Variants in CSMD1 observed in about 807,000 individuals in gnomAD.
CSMD1 encodes CUB and Sushi multiple domains 1.
In CSMD1, 213 loss-of-function variants were observed where a neutral mutation model predicts 417.5. The ratio of observed to expected loss-of-function variants is 0.51; its 90% CI spans 0.46 to 0.57. The LOEUF (loss-of-function observed/expected upper bound fraction) is 0.57, where lower values mean the gene tolerates loss of function less well. Among genes scored for constraint, CSMD1 ranks in the 20% least tolerant of loss-of-function variants. The probability of loss-of-function intolerance (pLI) is 0.00; values close to 1 mark genes in which losing one functional copy is unlikely to be tolerated. For missense variants in CSMD1, 6,923 were observed against 4,529.7 expected, an observed-to-expected ratio of 1.53 and a Z score of -15.17; for synonymous variants, 2,862 against 1,736.8, an observed-to-expected ratio of 1.65 and a Z score of -16.11.
At position 4,206,452 on chromosome 8, in the gene CSMD1, T is replaced by C. The variant is rs551878906; in HGVS notation, c.416-174353A>G. Reference sequence around the variant, plus strand: ...CATGCGGTGTTTGGTTTTCTGTCCTTGTGATAGTTTGCTCAGAATAATGGT... The same window carrying C: ...CATGCGGTGTTTGGTTTTCTGTCCTCGTGATAGTTTGCTCAGAATAATGGT... On this transcript the variant is annotated intron_variant, in intron 3 of 69. Transcript: ENST00000635120. Among the ~76,000 whole-genome samples the C allele has an allele frequency of 1.2e-4, 19 of 152,286 alleles. No homozygotes were observed. In the South Asian group the frequency reaches 1.7e-3, roughly 13 times the overall value.
chr8:3,352,623 T>A (rs967644302), intron 21 of CSMD1, among the ~76,000 whole-genome samples: 3 of 152,178 alleles, frequency 2.0e-5, no homozygotes, highest in Non-Finnish European at 4.4e-5. Context: ...GCAGATCACC[T>A]GAAGTCAGGA....
intron 3 of CSMD1, among the ~76,000 whole-genome samples, chr8:4,371,193 C>G (rs574313253): frequency 1.3e-5 from 2 of 152,116 alleles, no homozygotes; most frequent in Non-Finnish European, 2.9e-5. Flanking sequence ...GGGGTCAAGG[C>G]TCAGCTCCAC....
At chr8:4,415,225 C>T (rs1563149419) in intron 3 of CSMD1, among the ~76,000 whole-genome samples, 1 of 152,186 alleles carries the variant, frequency 6.6e-6, no homozygotes, top group Non-Finnish European at 1.5e-5. Flanking sequence ...CCGCTCCCCA[C>T]TGAACTCAGC....
chr8:3,655,778 A>G (rs778876380), intron 7 of CSMD1, among the ~76,000 whole-genome samples: 9 of 152,132 alleles, frequency 5.9e-5, no homozygotes, highest in African/African-American at 1.7e-4. Flanking sequence ...GGAGGCAGGA[A>G]AGGTAGAGTC....
intron 49 of CSMD1, among the ~76,000 whole-genome samples, chr8:3,073,460 G>C (rs1015839507): frequency 5.3e-5 from 8 of 152,180 alleles, no homozygotes; most frequent in African/African-American, 1.9e-4. Flanking sequence ...GATCAACACA[G>C]ATTCACTCTA....
chr8:4,133,567 C>T (rs986982832), intron 3 of CSMD1, among the ~76,000 whole-genome samples: 3 of 152,098 alleles, frequency 2.0e-5, no homozygotes, highest in African/African-American at 4.8e-5. Flanking sequence ...GTAGGAAAGC[C>T]GTGCATTAAC....
At chr8:3,214,432 T>C in intron 30 of CSMD1, 65 bp downstream of exon 30, 17 of 1,345,120 alleles carry the variant, frequency 1.3e-5, no homozygotes, top group Non-Finnish European at 1.7e-5. Context: ...AAACCATTTC[T>C]TCAATGAGAT....
chr8:3,505,922 C>T (rs6983016), intron 10 of CSMD1, among the ~76,000 whole-genome samples: 71,027 of 152,034 alleles, frequency 0.47, 16,724 homozygotes, highest in African/African-American at 0.51. Flanking sequence ...TTTACAAATA[C>T]ACTAAAAAGA....
chr8:4,883,191 C>T (rs1344211293), intron 1 of CSMD1, among the ~76,000 whole-genome samples: 2 of 152,006 alleles, frequency 1.3e-5, no homozygotes, highest in Non-Finnish European at 2.9e-5. Flanking sequence ...CTGTAGAATG[C>T]TAGCAGAACA....
chr8:3,689,024 T>C (rs867512908), intron 7 of CSMD1, among the ~76,000 whole-genome samples: 1 of 152,198 alleles, frequency 6.6e-6, no homozygotes, highest in South Asian at 2.1e-4. Flanking sequence ...TATTCTGATT[T>C]TATAAGCAGG....
At chr8:3,101,806 T>C (rs943173691) in intron 46 of CSMD1, among the ~76,000 whole-genome samples, 10 of 144,808 alleles carry the variant, frequency 6.9e-5, no homozygotes, top group South Asian at 2.2e-4. Context: ...TTTCTTTTTT[T>C]TTTTTTTTTT....
chr8:3,061,626 C>G (rs1282317582), intron 49 of CSMD1, among the ~76,000 whole-genome samples: 1 of 152,102 alleles, frequency 6.6e-6, no homozygotes, highest in Non-Finnish European at 1.5e-5. Flanking sequence ...GATCCATATA[C>G]AATAAAGCAC....
At chr8:4,279,950 A>T (rs953566058) in intron 3 of CSMD1, among the ~76,000 whole-genome samples, 21 of 152,236 alleles carry the variant, frequency 1.4e-4, no homozygotes, top group Non-Finnish European at 2.6e-4. Flanking sequence ...AGAAAAGTAC[A>T]TAGGGGCAAG....
At chr8:4,924,249 T>C (rs921134209) in intron 1 of CSMD1, among the ~76,000 whole-genome samples, 2 of 152,228 alleles carry the variant, frequency 1.3e-5, no homozygotes, top group African/African-American at 4.8e-5. Flanking sequence ...TATGTGACCA[T>C]GATAAAGTTG....
chr8:3,454,623 G>C (rs1362071465), intron 12 of CSMD1, among the ~76,000 whole-genome samples: 3 of 152,168 alleles, frequency 2.0e-5, no homozygotes, highest in African/African-American at 4.8e-5. Context: ...TTTTCTTTAG[G>C]AATGTTGAAT....
chr8:4,807,246 C>T (rs368933384), intron 1 of CSMD1, among the ~76,000 whole-genome samples: 1 of 152,174 alleles, frequency 6.6e-6, no homozygotes, highest in African/African-American at 2.4e-5. Context: ...GCTTCTCCCA[C>T]AGAAAGCAAA....
At position 3,772,361 on chromosome 8, in the gene CSMD1, A is replaced by G. The variant is rs1208292607; in HGVS notation, c.819-18319T>C. On this transcript the variant is annotated intron_variant, in intron 5 of 69. Coordinates refer to ENST00000635120, the MANE Select transcript of CSMD1 (RefSeq NM_033225.6). ...CATACATATATACATATATTTATAT[A>G]TACATATATACATATATTCATATAT... Among the ~76,000 whole-genome samples, 12 of 112,690 alleles carry G rather than the reference A, an allele frequency of 1.1e-4. 2 individuals are homozygous for G. The highest frequency in any genetic ancestry group is 1.7e-4 in the Non-Finnish European group (9 of 51,836). The allele number at this position is 112,690 out of a possible 152,430, so 73.9% of individuals were successfully genotyped here. A position where few individuals can be genotyped will look rare whatever the true frequency, so the allele number is the denominator to read the frequency against.
chr8:4,112,656 TCCCACAAAC>T (rs1801919232), intron 3 of CSMD1, among the ~76,000 whole-genome samples: 1 of 152,042 alleles, frequency 6.6e-6, no homozygotes, highest in African/African-American at 2.4e-5. Context: ...CTGCCCCAAA[TCCCACAAAC>T]CCCAGACAAG....
chr8:3,543,621 T>G (rs1176136975), intron 10 of CSMD1, among the ~76,000 whole-genome samples: 3 of 151,126 alleles, frequency 2.0e-5, no homozygotes, highest in Admixed American at 6.6e-5. Context: ...GTATAATAAT[T>G]TTCAGCCTAA....
Sources: gnomAD v4.1 joint callset for allele counts (sites outside exome capture counted in the v4.1 genomes callset) on GRCh38, gnomAD v4.1.1 for gene constraint, MANE v1.5 for transcripts, NCBI Gene and HGNC (gene_info 2026-07-23, HGNC 2026-07-21) for gene names.